PRKAA2: variants seen among roughly 807,000 people sequenced by gnomAD.
PRKAA2 encodes protein kinase AMP-activated catalytic subunit alpha 2.
A neutral mutation model predicts 56.3 loss-of-function variants in PRKAA2; 40 were observed. The observed-to-expected ratio is 0.71, with a 90% CI of 0.55 to 0.92. The LOEUF is 0.92. PRKAA2 is among the 40% of genes least tolerant of loss of function. The pLI, the probability that PRKAA2 is intolerant of heterozygous loss-of-function variation, is 0.00. For missense variants in PRKAA2, 542 were observed against 686.9 expected (o/e 0.79, Z 2.36); for synonymous variants, 214 against 234.2 (o/e 0.91, Z 0.79).
At chr1:56,684,402 C>A (rs1325091266) in intron 2 of PRKAA2, among the ~76,000 whole-genome samples, 2 of 152,012 alleles carry the variant, frequency 1.3e-5, no homozygotes, top group Non-Finnish European at 2.9e-5. Flanking sequence ...CATCAGCAGA[C>A]AGACTGTATT....
At chr1:56,694,661 A>G (rs1644247566) in intron 5 of PRKAA2, among the ~76,000 whole-genome samples, 1 of 151,728 alleles carries the variant, frequency 6.6e-6, no homozygotes, top group South Asian at 2.1e-4. Flanking sequence ...GGGACAAGGG[A>G]TCTCTCTGGG....
intron 2 of PRKAA2, among the ~76,000 whole-genome samples, chr1:56,677,945 CT>C (rs1644125445): frequency 6.6e-6 from 1 of 152,228 alleles, no homozygotes; most frequent in South Asian, 2.1e-4. Flanking sequence ...GCTTGAGCCA[CT>C]GCGCCCAGGC....
chr1:56,653,330 G>A (rs912111730), intron 1 of PRKAA2, among the ~76,000 whole-genome samples: 1 of 151,190 alleles, frequency 6.6e-6, no homozygotes, highest in Non-Finnish European at 1.5e-5. Flanking sequence ...AATGGATTTT[G>A]TTCATTTGGT....
intron 1 of PRKAA2, among the ~76,000 whole-genome samples, chr1:56,667,721 A>G (rs1644046212): frequency 6.6e-6 from 1 of 152,198 alleles, no homozygotes; most frequent in Non-Finnish European, 1.5e-5. Context: ...ACATGTATAT[A>G]TACATATAGA....
intron 7 of PRKAA2, among the ~76,000 whole-genome samples, chr1:56,705,703 T>C (rs1175638430): frequency 2.0e-5 from 3 of 152,188 alleles, no homozygotes; most frequent in African/African-American, 7.2e-5. Context: ...CCTGGTCCTC[T>C]TTGTTCCTTC....
rs148596537 is a variant in PRKAA2 at position 56,711,265 on chromosome 1, A to G, written c.*3552A>G. 9.3e-4 allele frequency: 141 copies of G among 152,254 alleles called. No homozygotes were observed. Among genetic ancestry groups the G allele is most frequent in the African/African-American group, 3.1e-3 (130 of 41,564 alleles). 9.4% of individuals were successfully genotyped at this position (152,254 alleles called of 1,614,324 possible). A position where few individuals can be genotyped will look rare whatever the true frequency, so the allele number is the denominator to read the frequency against. On this transcript the variant is annotated 3_prime_UTR_variant, in exon 9 of 9. Transcript: ENST00000371244. ...CCTAGACAGTTTGTACTCAGGGAAT[A>G]CAAATTGATTTTTACTGTTAAATGA...
At chr1:56,667,484 A>G (rs1158973202) in intron 1 of PRKAA2, among the ~76,000 whole-genome samples, 1 of 152,164 alleles carries the variant, frequency 6.6e-6, no homozygotes, top group Non-Finnish European at 1.5e-5. Flanking sequence ...ATATGATAGC[A>G]TTATTTCATA....
intron 2 of PRKAA2, among the ~76,000 whole-genome samples, chr1:56,681,044 G>A (rs957058762): frequency 1.3e-5 from 2 of 152,108 alleles, no homozygotes; most frequent in South Asian, 2.1e-4. Flanking sequence ...TTTAATGATC[G>A]CCATTCTAAC....
At chr1:56,687,814 T>G (rs1644202023) in intron 2 of PRKAA2, among the ~76,000 whole-genome samples, 14 of 152,146 alleles carry the variant, frequency 9.2e-5, no homozygotes, top group Admixed American at 9.2e-4. Flanking sequence ...TTGGCTAACT[T>G]TGGAAAGATT....
At chr1:56,702,316 C>A (rs993011060) in intron 6 of PRKAA2, among the ~76,000 whole-genome samples, 1 of 152,154 alleles carries the variant, frequency 6.6e-6, no homozygotes, top group Non-Finnish European at 1.5e-5. Context: ...CTCCCGACCT[C>A]AGGTGATCCG....
At chr1:56,706,049 A>C (rs1459427534) in intron 7 of PRKAA2, 43 bp from the exon 8 acceptor site, 2 of 1,525,890 alleles carry the variant, frequency 1.3e-6, no homozygotes, top group Non-Finnish European at 9.0e-7. Flanking sequence ...ATAAAAAGGT[A>C]GATATTTTGT....
intron 1 of PRKAA2, among the ~76,000 whole-genome samples, chr1:56,655,281 T>TATA (rs1553146924): frequency 7.8e-5 from 6 of 77,096 alleles, no homozygotes; most frequent in African/African-American, 2.7e-4. Context: ...TATATATATA[T>TATA]TTTTTTTTTT....
chr1:56,675,199 G>A (rs932196290), intron 2 of PRKAA2, among the ~76,000 whole-genome samples: 1 of 152,164 alleles, frequency 6.6e-6, no homozygotes, highest in East Asian at 1.9e-4. Context: ...GTCATTTAAA[G>A]TTGCAGTTTA....
Position 56,713,283 on chromosome 1 carries a change from T to TA in PRKAA2, c.*5571dup, listed in dbSNP as rs1194075412. ...AGCCTGATAAGAATCAGGCTGGGTC[T>TA]AGAAGAGTTATCAGACTGTAGGCCT... On this transcript the variant is annotated 3_prime_UTR_variant, in exon 9 of 9. Coordinates refer to ENST00000371244, the MANE Select transcript of PRKAA2 (RefSeq NM_006252.4). 1 of 152,184 alleles carries TA rather than the reference T, an allele frequency of 6.6e-6. No individual in the cohort carries two copies. The highest frequency in any genetic ancestry group is 2.4e-5 in the African/African-American group (1 of 41,460). 9.4% of individuals were successfully genotyped at this position (152,184 alleles called of 1,614,324 possible). A position where few individuals can be genotyped will look rare whatever the true frequency, so the allele number is the denominator to read the frequency against.
At chr1:56,671,335 A>T (rs977647013) in intron 1 of PRKAA2, 4 of 152,114 alleles carry the variant, frequency 2.6e-5, no homozygotes, top group African/African-American at 9.7e-5. Context: ...TTAAGGAGAG[A>T]GACGTATTTG....
chr1:56,707,023 A>C (rs1347480244), intron 8 of PRKAA2, among the ~76,000 whole-genome samples: 1 of 152,142 alleles, frequency 6.6e-6, no homozygotes, highest in African/African-American at 2.4e-5. Flanking sequence ...ATTTCTGGAG[A>C]TTGGTCCTGG....
chr1:56,682,074 C>T (rs915402073), intron 2 of PRKAA2, among the ~76,000 whole-genome samples: 2 of 152,012 alleles, frequency 1.3e-5, no homozygotes, highest in East Asian at 3.9e-4. Flanking sequence ...CCTTCACATC[C>T]CTTGTAAGTT....
intron 5 of PRKAA2, among the ~76,000 whole-genome samples, chr1:56,694,412 A>G (rs1167315069): frequency 2.0e-5 from 3 of 152,204 alleles, no homozygotes; most frequent in African/African-American, 2.4e-5. Context: ...TTAAAAGTTA[A>G]CAGAATCCTA....
intron 1 of PRKAA2, among the ~76,000 whole-genome samples, chr1:56,666,753 C>T (rs1324091613): frequency 1.3e-5 from 2 of 152,200 alleles, no homozygotes; most frequent in African/African-American, 4.8e-5. Context: ...CAGGCAGAGA[C>T]ATATATATGT....
Sources: allele counts gnomAD v4.1 joint callset (sites outside exome capture counted in the v4.1 genomes callset), GRCh38; gene constraint gnomAD v4.1.1; transcripts MANE v1.5; gene names NCBI Gene and HGNC (gene_info 2026-07-23, HGNC 2026-07-21).